Variants in KCNQ3 observed in about 807,000 individuals in gnomAD.
KCNQ3 encodes potassium voltage-gated channel subfamily Q member 3.
KCNQ3 carries 30 observed loss-of-function variants against 92.5 expected under a neutral mutation model. The observed-to-expected ratio is 0.32, with a 90% CI of 0.24 to 0.44. The LOEUF is 0.44. Ranked by LOEUF, KCNQ3 falls within the 20% of genes least tolerant of loss-of-function variation. KCNQ3 has a pLI of 1.00. For synonymous variants in KCNQ3, 450 were observed against 468.8 expected (o/e 0.96, Z 0.52); for missense variants, 913 against 1,140.3 (o/e 0.80, Z 2.87).
chr8:132,394,952 G>C (rs1034435247), intron 1 of KCNQ3, among the ~76,000 whole-genome samples: 7 of 152,162 alleles, frequency 4.6e-5, no homozygotes, highest in Non-Finnish European at 1.5e-5. Flanking sequence ...AAACTGAGCT[G>C]GGCCTGCTGG....
chr8:132,230,670 C>A (rs1814617379), intron 1 of KCNQ3, among the ~76,000 whole-genome samples: 1 of 152,168 alleles, frequency 6.6e-6, no homozygotes, highest in Admixed American at 6.5e-5. Context: ...AATTCTTGCC[C>A]ACAATAGTTT....
At position 132,129,089 on chromosome 8, in the gene KCNQ3, G is replaced by A; in HGVS notation, c.*173C>T. 3 of 667,772 alleles carry A rather than the reference G, an allele frequency of 4.5e-6. No homozygotes were observed. The highest frequency in any genetic ancestry group is 5.1e-6 in the Non-Finnish European group (2 of 388,902). The allele number at this position is 667,772 out of a possible 1,614,324, so 41.4% of individuals were successfully genotyped here. On this transcript the variant is annotated 3_prime_UTR_variant, in exon 15 of 15. Transcript: ENST00000388996. This position sits in a 1 kb window ranked among gnomAD's most constrained non-coding sequence, Gnocchi z 5.9. ...GCTGAAAAGGAAGCACTTTGTTGTG[G>A]TGACATGGGGAGGAAGAGGCTGTGG...
intron 1 of KCNQ3, among the ~76,000 whole-genome samples, chr8:132,467,830 C>T (rs996422945): frequency 6.6e-6 from 1 of 152,166 alleles, no homozygotes; most frequent in Non-Finnish European, 1.5e-5. Flanking sequence ...GCTGTGAAGC[C>T]AGAGGAAACA....
rs189701927 is a variant in KCNQ3 at position 132,322,934 on chromosome 8, T to C, written c.387-136753A>G. ...CACAGAAAAGTGCCAAGTGCACCAC[T>C]TGCAAGGTTACTGCGTTGGTGCTGA... On this transcript the variant is annotated intron_variant, in intron 1 of 14. Transcript: ENST00000388996. 7.2e-5 allele frequency among the ~76,000 whole-genome samples: 11 copies of C among 152,280 alleles called. No homozygotes were observed. In the East Asian group the frequency reaches 2.1e-3, roughly 29 times the overall value.
At chr8:132,199,196 A>G (rs1827386959) in intron 1 of KCNQ3, among the ~76,000 whole-genome samples, 1 of 152,228 alleles carries the variant, frequency 6.6e-6, no homozygotes, top group Non-Finnish European at 1.5e-5. Flanking sequence ...AAAATAATAA[A>G]AAAAAACCAA....
chr8:132,189,878 TA>T (rs1827106610), intron 1 of KCNQ3, among the ~76,000 whole-genome samples: 3 of 13,744 alleles, frequency 2.2e-4, no homozygotes, highest in Admixed American at 2.2e-3. Flanking sequence ...TGTTGAGGGC[TA>T]AAAATGACCA....
rs377355795 is a variant in KCNQ3, at chr8:132,418,322, T to G, written c.386+61825A>C. On this transcript the variant is annotated intron_variant, in intron 1 of 14. Coordinates refer to ENST00000388996, the MANE Select transcript of KCNQ3 (RefSeq NM_004519.4). Reference sequence around the variant, plus strand: ...AGCTGAGGAAACATCCGTGGCTCTGTGTGGGTTTAATGAGGCGTGCTCACG... The same window carrying G: ...AGCTGAGGAAACATCCGTGGCTCTGGGTGGGTTTAATGAGGCGTGCTCACG... 5.9e-5 allele frequency among the ~76,000 whole-genome samples: 9 copies of G among 152,112 alleles called. No homozygotes were observed. In the South Asian group the frequency reaches 1.2e-3, roughly 21 times the overall value.
intron 1 of KCNQ3, chr8:132,447,201 A>G (rs1330310594): frequency 2.0e-6 from 3 of 1,535,372 alleles, no homozygotes; most frequent in South Asian, 2.4e-5. Flanking sequence ...AAAGACTTAC[A>G]TCGTGGCGTG....
intron 1 of KCNQ3, among the ~76,000 whole-genome samples, chr8:132,319,775 T>C (rs1316294129): frequency 6.6e-6 from 1 of 152,242 alleles, no homozygotes; most frequent in Non-Finnish European, 1.5e-5. Context: ...ATCGCTCTAA[T>C]AGTCTGGCCT....
chr8:132,341,816 G>A (rs192535573), intron 1 of KCNQ3, among the ~76,000 whole-genome samples: 3 of 152,180 alleles, frequency 2.0e-5, no homozygotes, highest in Admixed American at 6.5e-5. Flanking sequence ...CCTGATAACT[G>A]CCTATACAAA....
intron 1 of KCNQ3, among the ~76,000 whole-genome samples, chr8:132,294,939 A>C (rs2130566074): frequency 6.6e-6 from 1 of 152,284 alleles, no homozygotes; most frequent in African/African-American, 2.4e-5. Context: ...AACTACAAAA[A>C]CCCTAGAAGA....
intron 1 of KCNQ3, among the ~76,000 whole-genome samples, chr8:132,478,690 G>A (rs1303803473): frequency 2.0e-5 from 3 of 151,782 alleles, no homozygotes; most frequent in Non-Finnish European, 4.4e-5. Flanking sequence ...ACGTTTCTGG[G>A]AAAATGCCCC....
At chr8:132,193,082 G>A (rs995382892) in intron 1 of KCNQ3, among the ~76,000 whole-genome samples, 5 of 151,770 alleles carry the variant, frequency 3.3e-5, no homozygotes, top group South Asian at 2.1e-4. Flanking sequence ...CTTCCTCTGC[G>A]CCTTGCCCAC....
intron 1 of KCNQ3, among the ~76,000 whole-genome samples, chr8:132,216,349 C>T (rs530447280): frequency 4.6e-5 from 7 of 152,336 alleles, no homozygotes; most frequent in Admixed American, 1.3e-4. Context: ...GTGCTGTGCA[C>T]CAGGGCTGGA....
At chr8:132,270,973 G>C (rs192962225) in intron 1 of KCNQ3, among the ~76,000 whole-genome samples, 1 of 152,206 alleles carries the variant, frequency 6.6e-6, no homozygotes, top group Non-Finnish European at 1.5e-5. Flanking sequence ...TTGTGTTACA[G>C]CAATTCATGA....
chr8:132,349,753 C>T lies in KCNQ3; in HGVS notation c.386+130394G>A, dbSNP rs114316523. ...GCCTTGTTTAAGCAGCTATATTCTT[C>T]CTGAAAGCATGTGAGCAAGCCCAGC... On this transcript the variant is annotated intron_variant, in intron 1 of 14. Coordinates refer to ENST00000388996, the MANE Select transcript of KCNQ3 (RefSeq NM_004519.4). 5.0e-3 allele frequency among the ~76,000 whole-genome samples: 767 copies of T among 152,300 alleles called. 6 individuals carry two copies. Among genetic ancestry groups the T allele is most frequent in the African/African-American group, 0.017 (715 of 41,564 alleles).
At chr8:132,138,097 G>A in intron 11 of KCNQ3, 81 bp from the exon 12 acceptor site, 11 of 1,506,536 alleles carry the variant, frequency 7.3e-6, no homozygotes, top group Non-Finnish European at 1.0e-5. Context: ...AAACTCCAGG[G>A]CAGGGGGAGA....
intron 1 of KCNQ3, among the ~76,000 whole-genome samples, chr8:132,313,086 C>G (rs1490154393): frequency 6.6e-6 from 1 of 152,186 alleles, no homozygotes; most frequent in Non-Finnish European, 1.5e-5. Context: ...GCAAGGCCAA[C>G]AGCAATCCAC....
chr8:132,237,037 A>T (rs1157173649), intron 1 of KCNQ3, among the ~76,000 whole-genome samples: 3 of 152,198 alleles, frequency 2.0e-5, no homozygotes. Flanking sequence ...CAGCCTAGCT[A>T]ACACCTTGAT....
Sources: gnomAD v4.1 joint callset for allele counts (sites outside exome capture counted in the v4.1 genomes callset) on GRCh38, gnomAD v4.1.1 for gene constraint, Gnocchi (gnomAD v3.1) non-coding constraint, MANE v1.5 for transcripts, NCBI Gene and HGNC (gene_info 2026-07-23, HGNC 2026-07-21) for gene names.